USH2A: variants seen among roughly 807,000 people sequenced by gnomAD.
The protein encoded by USH2A is Usher syndrome 2A (autosomal recessive, mild).
A neutral mutation model predicts 538.9 loss-of-function variants in USH2A; 443 were observed. The observed-to-expected ratio is 0.82, with a 90% CI of 0.76 to 0.89. The LOEUF (loss-of-function observed/expected upper bound fraction) is 0.89, where lower values mean the gene tolerates loss of function less well. USH2A is among the 40% of genes least tolerant of loss of function. The pLI, the probability that USH2A is intolerant of heterozygous loss-of-function variation, is 0.00. For synonymous variants in USH2A, 2,413 were observed against 2,273.5 expected, an observed-to-expected ratio of 1.06 and a Z score of -1.75; for missense variants, 6,633 against 6,324.8, an observed-to-expected ratio of 1.05 and a Z score of -1.65.
At chr1:215,875,948 T>A (rs1419222281) in intron 43 of USH2A, among the ~76,000 whole-genome samples, 2 of 146,564 alleles carry the variant, frequency 1.4e-5, no homozygotes, top group African/African-American at 5.0e-5. Flanking sequence ...TAATTAATAA[T>A]GTATATAATA....
chr1:215,908,376 A>G (rs941011788), intron 38 of USH2A, among the ~76,000 whole-genome samples: 1 of 151,946 alleles, frequency 6.6e-6, no homozygotes, highest in Non-Finnish European at 1.5e-5. Context: ...AGAGTTTAGT[A>G]TTGCTCATGA....
intron 21 of USH2A, among the ~76,000 whole-genome samples, chr1:216,147,130 C>T (rs1266424799): frequency 6.6e-6 from 1 of 152,050 alleles, no homozygotes; most frequent in East Asian, 1.9e-4. Flanking sequence ...TTCTTTCCCT[C>T]CTGCCTGTCC....
rs145801052 is a variant in USH2A at position 216,366,897 on chromosome 1, T to C, written c.652-1812A>G. ...TCCCATTTTTTACAGCCTGTTACTGTCATTTGGTGTTTGACTGTTATCATT... is the reference window on the plus strand; with the variant it reads ...TCCCATTTTTTACAGCCTGTTACTGCCATTTGGTGTTTGACTGTTATCATT... On this transcript the variant is annotated intron_variant, in intron 3 of 71. Coordinates refer to ENST00000307340, the MANE Select transcript of USH2A (RefSeq NM_206933.4). 9.2e-5 allele frequency among the ~76,000 whole-genome samples: 14 copies of C among 152,300 alleles called. No individual in the cohort carries two copies. In the East Asian group the frequency reaches 2.5e-3, roughly 27 times the overall value.
At chr1:215,991,482 G>A (rs947938338) in intron 35 of USH2A, among the ~76,000 whole-genome samples, 44 of 151,950 alleles carry the variant, frequency 2.9e-4, no homozygotes, top group Admixed American at 1.1e-3. Context: ...AAAAAAAGTC[G>A]TTTTAAAAAA....
intron 32 of USH2A, among the ~76,000 whole-genome samples, chr1:216,007,690 C>T (rs1668441260): frequency 6.6e-6 from 1 of 152,196 alleles, no homozygotes. Flanking sequence ...AGGATACCCA[C>T]TGAATGTGGA....
chr1:216,066,392 G>A (rs1043518732), intron 30 of USH2A, among the ~76,000 whole-genome samples: 4 of 152,070 alleles, frequency 2.6e-5, no homozygotes, highest in African/African-American at 4.8e-5. Flanking sequence ...CGTAAACCTG[G>A]GAGGCGGAGC....
At chr1:215,793,118 C>G (rs1201606781) in intron 50 of USH2A, among the ~76,000 whole-genome samples, 4 of 152,192 alleles carry the variant, frequency 2.6e-5, no homozygotes, top group Admixed American at 2.6e-4. Flanking sequence ...AAATATGTTA[C>G]CAATGCTTAT....
chr1:215,790,613 A>G (rs1438142158), intron 50 of USH2A, among the ~76,000 whole-genome samples: 1 of 152,176 alleles, frequency 6.6e-6, no homozygotes, highest in African/African-American at 2.4e-5. Context: ...ATCTTGTTGC[A>G]GAAGAAGGTT....
chr1:216,001,061 C>T (rs1287343795), intron 32 of USH2A, among the ~76,000 whole-genome samples: 2 of 152,134 alleles, frequency 1.3e-5, no homozygotes, highest in Non-Finnish European at 2.9e-5. Context: ...AGGTGCAGTG[C>T]AGATGCCTGT....
chr1:215,944,936 A>G (rs752027518), intron 37 of USH2A, among the ~76,000 whole-genome samples: 1 of 152,070 alleles, frequency 6.6e-6, no homozygotes, highest in Non-Finnish European at 1.5e-5. Flanking sequence ...ATGCAGTGTT[A>G]ATATTACCTT....
rs118075119 is a variant in USH2A, at chr1:216,124,884, A to T, written c.4628-27671T>A. Among the ~76,000 whole-genome samples the T allele has an allele frequency of 7.9e-5, 12 of 152,344 alleles. No homozygotes were observed. The East Asian group carries it at 2.3e-3, about 29-fold the overall frequency. ...ATGTCTCTGTTGTGAGACTGTGGAC[A>T]GTAACACCTCATTTATCTGGTGTTA... On this transcript the variant is annotated intron_variant, in intron 21 of 71. Transcript: ENST00000307340.
chr1:215,937,762 A>T (rs1666541988), intron 37 of USH2A, among the ~76,000 whole-genome samples: 1 of 152,196 alleles, frequency 6.6e-6, no homozygotes, highest in African/African-American at 2.4e-5. Flanking sequence ...GTAAAGCAAC[A>T]ATGGAAATTC....
chr1:216,071,005 A>G (rs1224260796), intron 29 of USH2A, among the ~76,000 whole-genome samples: 1 of 152,152 alleles, frequency 6.6e-6, no homozygotes, highest in African/African-American at 2.4e-5. Context: ...GAGCCCCCTA[A>G]TTTAAAAAAT....
intron 30 of USH2A, among the ~76,000 whole-genome samples, chr1:216,065,942 C>T (rs1019178392): frequency 6.6e-6 from 1 of 151,710 alleles, no homozygotes; most frequent in Non-Finnish European, 1.5e-5. Flanking sequence ...AAACAATGGA[C>T]CTACCTAGGC....
At chr1:216,221,131 G>T (rs528270600) in intron 14 of USH2A, among the ~76,000 whole-genome samples, 1 of 152,152 alleles carries the variant, frequency 6.6e-6, no homozygotes, top group Non-Finnish European at 1.5e-5. Flanking sequence ...GGAAGCTTTA[G>T]ACTTAGGATA....
At chr1:215,813,973 G>T in intron 48 of USH2A, 69 bp from the exon 49 acceptor site, 1 of 1,508,840 alleles carries the variant, frequency 6.6e-7, no homozygotes, top group Non-Finnish European at 9.1e-7. Context: ...TGTATCTCAT[G>T]TAATATAATT....
intron 44 of USH2A, among the ~76,000 whole-genome samples, chr1:215,866,291 C>G (rs912359191): frequency 4.6e-5 from 7 of 152,142 alleles, no homozygotes; most frequent in South Asian, 2.1e-4. Flanking sequence ...TAATACTACC[C>G]TACTGACCAA....
chr1:216,069,849 T>C (rs1239510183), intron 30 of USH2A, among the ~76,000 whole-genome samples: 1 of 152,132 alleles, frequency 6.6e-6, no homozygotes, highest in East Asian at 1.9e-4. Context: ...TATGATGTAA[T>C]CTTTGGGGGA....
intron 60 of USH2A, among the ~76,000 whole-genome samples, chr1:215,735,696 T>TATATAC (rs1415980180): frequency 5.3e-5 from 8 of 152,054 alleles, no homozygotes; most frequent in Non-Finnish European, 1.0e-4. Context: ...GACATTTTTT[T>TATATAC]ATATACATAT....
Sources: gnomAD v4.1 joint callset for allele counts (sites outside exome capture counted in the v4.1 genomes callset) on GRCh38, gnomAD v4.1.1 for gene constraint, MANE v1.5 for transcripts, NCBI Gene and HGNC (gene_info 2026-07-23, HGNC 2026-07-21) for gene names.